The following NRCAM variants were observed in gnomAD, a reference collection of about 807,000 sequenced individuals.
The protein encoded by NRCAM is NgCAM-related cell adhesion molecule.
A neutral mutation model predicts 156.5 loss-of-function variants in NRCAM; 83 were observed. The ratio of observed to expected loss-of-function variants is 0.53; its 90% CI spans 0.44 to 0.64. The LOEUF is 0.64. Ranked by LOEUF, NRCAM falls within the 30% of genes least tolerant of loss-of-function variation. NRCAM has a pLI of 0.00. For synonymous variants in NRCAM, 538 were observed against 563.9 expected, an observed-to-expected ratio of 0.95 and a Z score of 0.65; for missense variants, 1,417 against 1,597.3, an observed-to-expected ratio of 0.89 and a Z score of 1.92.
intron 2 of NRCAM, among the ~76,000 whole-genome samples, chr7:108,349,512 C>T (rs2099396275): frequency 6.6e-6 from 1 of 152,138 alleles, no homozygotes; most frequent in African/African-American, 2.4e-5. Flanking sequence ...TTGTGATCCA[C>T]CTGCCTCAGC....
chr7:108,448,020 C>CT (rs1312129242), intron 1 of NRCAM, among the ~76,000 whole-genome samples: 2 of 152,202 alleles, frequency 1.3e-5, no homozygotes, highest in African/African-American at 2.4e-5. Flanking sequence ...AATGAACCCC[C>CT]TCATGGTTTT....
chr7:108,208,806 T>C (rs1439816544), intron 12 of NRCAM, among the ~76,000 whole-genome samples: 2 of 152,214 alleles, frequency 1.3e-5, no homozygotes, highest in Non-Finnish European at 2.9e-5. Flanking sequence ...CTTCTACTTG[T>C]ACCATATGGG....
intron 2 of NRCAM, among the ~76,000 whole-genome samples, chr7:108,397,144 T>G (rs1199664654): frequency 1.3e-5 from 2 of 152,326 alleles, no homozygotes; most frequent in East Asian, 3.9e-4. Context: ...CAGAGTGAGA[T>G]TCAGGAGACC....
intron 1 of NRCAM, among the ~76,000 whole-genome samples, chr7:108,428,608 CAG>C (rs1369631440): frequency 3.9e-5 from 6 of 152,160 alleles, no homozygotes; most frequent in Non-Finnish European, 8.8e-5. Flanking sequence ...ACAGGCCTAA[CAG>C]AGAAGGGTCC....
chr7:108,292,231 T>C (rs2098322977), intron 3 of NRCAM, among the ~76,000 whole-genome samples: 1 of 152,232 alleles, frequency 6.6e-6, no homozygotes, highest in South Asian at 2.1e-4. Context: ...AGACCTTGCA[T>C]GGCTACTAAG....
At chr7:108,353,004 T>TC (rs1359630351) in intron 2 of NRCAM, among the ~76,000 whole-genome samples, 2 of 152,050 alleles carry the variant, frequency 1.3e-5, no homozygotes, top group Admixed American at 6.6e-5. Flanking sequence ...ACTATTTTTT[T>TC]CCCACACATG....
intron 20 of NRCAM, among the ~76,000 whole-genome samples, chr7:108,185,501 C>T (rs371956660): frequency 3.3e-5 from 5 of 151,942 alleles, no homozygotes; most frequent in African/African-American, 1.2e-4. Context: ...TTTGGGAGAC[C>T]CAGGTGGATG....
intron 2 of NRCAM, among the ~76,000 whole-genome samples, chr7:108,364,003 T>TTC (rs1456200731): frequency 2.0e-5 from 3 of 152,110 alleles, no homozygotes; most frequent in African/African-American, 7.2e-5. Flanking sequence ...TAAGGAAATA[T>TTC]GAATAAGTAT....
intron 3 of NRCAM, among the ~76,000 whole-genome samples, chr7:108,246,492 C>G (rs2095934475): frequency 6.6e-6 from 1 of 152,184 alleles, no homozygotes. Flanking sequence ...CAAATAGAGG[C>G]AAGGCAGTAG....
At chr7:108,368,234 A>ACCCCCCCCCCCCCCCCCCCCCC (rs1372350824) in intron 2 of NRCAM, among the ~76,000 whole-genome samples, 1 of 60,360 alleles carries the variant, frequency 1.7e-5, no homozygotes, top group Non-Finnish European at 3.7e-5. Context: ...ACCCCCCCCC[A>ACCCCCCCCCCCCCCCCCCCCCC]CCCCCCCGCC....
At position 108,175,373 on chromosome 7, in the gene NRCAM, A is replaced by G; in HGVS notation, c.3152-16T>C. ...AGAATACCAGCTTTAATGAAGGGAAACAGAAATAGGACACTATATAGTTAG... is the reference window on the plus strand; with the variant it reads ...AGAATACCAGCTTTAATGAAGGGAAGCAGAAATAGGACACTATATAGTTAG... On this transcript the variant is annotated splice_polypyrimidine_tract_variant and intron_variant, in intron 27 of 32. Coordinates refer to ENST00000379028, the MANE Select transcript of NRCAM (RefSeq NM_001037132.4). 1 of 1,559,374 alleles carries G rather than the reference A, an allele frequency of 6.4e-7. No homozygotes were observed. Among genetic ancestry groups the G allele is most frequent in the Non-Finnish European group, 8.7e-7 (1 of 1,150,048 alleles).
intron 2 of NRCAM, among the ~76,000 whole-genome samples, chr7:108,320,847 A>G (rs1001934496): frequency 6.6e-6 from 1 of 152,252 alleles, no homozygotes; most frequent in African/African-American, 2.4e-5. Flanking sequence ...AACAGAAAAT[A>G]TATATGGTAA....
At chr7:108,184,694 G>T in intron 20 of NRCAM, 80 bp from the exon 21 acceptor site, 3 of 1,194,648 alleles carry the variant, frequency 2.5e-6, no homozygotes, top group South Asian at 1.5e-5. Flanking sequence ...TAACTAACAG[G>T]GCAACCCAAC....
At chr7:108,211,993 A>T (rs545921107) in intron 11 of NRCAM, among the ~76,000 whole-genome samples, 2 of 152,190 alleles carry the variant, frequency 1.3e-5, no homozygotes, top group Non-Finnish European at 2.9e-5. Flanking sequence ...CACAGAGTCC[A>T]TTTCAACCCC....
intron 15 of NRCAM, among the ~76,000 whole-genome samples, chr7:108,195,031 A>C (rs377012880): frequency 2.0e-5 from 3 of 151,940 alleles, no homozygotes; most frequent in East Asian, 1.9e-4. Flanking sequence ...ACAAGTACTC[A>C]AGAGAAACAA....
Position 108,225,637 on chromosome 7 carries a change from T to C in NRCAM, c.778+8A>G, listed in dbSNP as rs200839809. ...GAGAGAATATCAGTTACAATCACCA[T>C]AACTCACCACCATAAAACTCAGTGT... On this transcript the variant is annotated splice_region_variant and intron_variant, in intron 10 of 32. Transcript: ENST00000379028. 1.9e-5 allele frequency: 30 copies of C among 1,551,636 alleles called. No individual in the cohort carries two copies. The highest frequency in any genetic ancestry group is 2.7e-5 in the Non-Finnish European group (30 of 1,123,466).
intron 3 of NRCAM, among the ~76,000 whole-genome samples, chr7:108,253,027 AG>A (rs1433540243): frequency 6.6e-6 from 1 of 152,260 alleles, no homozygotes; most frequent in Non-Finnish European, 1.5e-5. Flanking sequence ...CAGAACTTAA[AG>A]GGAAGAGTTG....
intron 3 of NRCAM, among the ~76,000 whole-genome samples, chr7:108,273,711 T>C (rs1366604038): frequency 2.0e-5 from 3 of 152,232 alleles, no homozygotes; most frequent in East Asian, 1.9e-4. Context: ...ACTCTGATGA[T>C]AGTTTCTTTT....
intron 1 of NRCAM, among the ~76,000 whole-genome samples, chr7:108,415,291 T>A (rs765354150): frequency 9.2e-5 from 14 of 152,138 alleles, no homozygotes; most frequent in Non-Finnish European, 1.8e-4. Flanking sequence ...CAATGTCTAA[T>A]GGAGAAGGAG....
Sources: allele counts gnomAD v4.1 joint callset (sites outside exome capture counted in the v4.1 genomes callset), GRCh38; gene constraint gnomAD v4.1.1; transcripts MANE v1.5; gene names NCBI Gene and HGNC (gene_info 2026-07-23, HGNC 2026-07-21).